DLC1: variants seen among roughly 807,000 people sequenced by gnomAD.
DLC1 encodes the protein rho GTPase-activating protein 7.
DLC1 carries 54 observed loss-of-function variants against 140.3 expected under a neutral mutation model. That is an observed-to-expected ratio of 0.38 (90% CI 0.31 to 0.48). The LOEUF (loss-of-function observed/expected upper bound fraction) is 0.48, where lower values mean the gene tolerates loss of function less well. Among genes scored for constraint, DLC1 ranks in the 20% least tolerant of loss-of-function variants. The pLI is 0.96. For missense variants in DLC1, 2,536 were observed against 1,907.0 expected, an observed-to-expected ratio of 1.33 and a Z score of -6.14; for synonymous variants, 986 against 728.1, an observed-to-expected ratio of 1.35 and a Z score of -5.70.
intron 5 of DLC1, among the ~76,000 whole-genome samples, chr8:13,137,314 A>AT (rs1157545588): frequency 2.0e-5 from 3 of 152,120 alleles, no homozygotes; most frequent in Admixed American, 6.5e-5. Context: ...GTTAGAAGGG[A>AT]TTTTTTAGCT....
chr8:13,219,282 A>T (rs1455876940), intron 5 of DLC1, among the ~76,000 whole-genome samples: 2 of 139,620 alleles, frequency 1.4e-5, no homozygotes, highest in East Asian at 4.1e-4. Context: ...TATAATATGA[A>T]TATAATTATA....
chr8:13,187,688 A>G (rs1335183246), intron 5 of DLC1, among the ~76,000 whole-genome samples: 1 of 152,224 alleles, frequency 6.6e-6, no homozygotes, highest in African/African-American at 2.4e-5. Context: ...ATCTGGACTC[A>G]GGAGAAAAGG....
chr8:13,389,096 C>CTCTCCT (rs542817370), intron 4 of DLC1, among the ~76,000 whole-genome samples: 4 of 152,144 alleles, frequency 2.6e-5, no homozygotes, highest in African/African-American at 9.6e-5. Flanking sequence ...GAATGCTAGA[C>CTCTCCT]TCTCCTTGTT....
upstream of DLC1, among the ~76,000 whole-genome samples, chr8:13,519,538 A>G (rs1802702660): frequency 6.6e-6 from 1 of 152,196 alleles, no homozygotes; most frequent in Non-Finnish European, 1.5e-5. Context: ...TAGTTTTTTG[A>G]TCAATTTTGT....
intron 16 of DLC1, among the ~76,000 whole-genome samples, chr8:13,087,269 G>C (rs1177917673): frequency 5.9e-5 from 9 of 152,286 alleles, no homozygotes; most frequent in African/African-American, 2.2e-4. Flanking sequence ...AGGTGTGATG[G>C]CACATGCCTG....
chr8:13,094,711 T>A (rs775194621), intron 12 of DLC1, 48 bp downstream of exon 12: 17 of 1,607,152 alleles, frequency 1.1e-5, no homozygotes, highest in Non-Finnish European at 1.3e-5. Context: ...CTTCAGTTGG[T>A]CCCATTTTTC....
At chr8:13,566,882 C>A in intron 1 of DLC1, 3 of 1,371,002 alleles carry the variant, frequency 2.2e-6, no homozygotes, top group Non-Finnish European at 2.9e-6. Context: ...ACGACCTCCG[C>A]AGAGCTGATG....
intron 5 of DLC1, among the ~76,000 whole-genome samples, chr8:13,197,180 C>G (rs1056916276): frequency 8.5e-5 from 13 of 152,120 alleles, no homozygotes; most frequent in African/African-American, 1.2e-4. Flanking sequence ...ATTGAATGAT[C>G]TTCAAAATTT....
At chr8:13,208,844 GT>G (rs1215525151) in intron 5 of DLC1, among the ~76,000 whole-genome samples, 2 of 151,974 alleles carry the variant, frequency 1.3e-5, no homozygotes, top group Non-Finnish European at 2.9e-5. Context: ...AGCTGATGAT[GT>G]GGGAAAAATA....
At chr8:13,261,770 A>G (rs1419655660) in intron 5 of DLC1, among the ~76,000 whole-genome samples, 2 of 152,232 alleles carry the variant, frequency 1.3e-5, no homozygotes, top group African/African-American at 4.8e-5. Flanking sequence ...GAGATGAAAA[A>G]GACAAGTTTT....
intron 5 of DLC1, among the ~76,000 whole-genome samples, chr8:13,143,901 A>G (rs1490061986): frequency 6.7e-6 from 1 of 150,246 alleles, no homozygotes; most frequent in African/African-American, 2.5e-5. Flanking sequence ...GAGCTGTTTG[A>G]GTTTTCCCCG....
intron 4 of DLC1, among the ~76,000 whole-genome samples, chr8:13,354,150 A>G (rs1250708247): frequency 2.0e-5 from 3 of 151,422 alleles, no homozygotes; most frequent in Non-Finnish European, 4.4e-5. Flanking sequence ...ATTGATCAAT[A>G]TTTGTTCATT....
intron 5 of DLC1, among the ~76,000 whole-genome samples, chr8:13,234,304 C>G (rs1829185347): frequency 6.6e-6 from 1 of 152,100 alleles, no homozygotes; most frequent in African/African-American, 2.4e-5. Flanking sequence ...AAAAACAAAA[C>G]TGATAGCAGC....
chr8:13,153,225 G>A (rs1367981932), intron 5 of DLC1, among the ~76,000 whole-genome samples: 1 of 152,124 alleles, frequency 6.6e-6, no homozygotes, highest in South Asian at 2.1e-4. Flanking sequence ...TGGTGGGTTC[G>A]TGGTCTCGCA....
intron 5 of DLC1, among the ~76,000 whole-genome samples, chr8:13,201,732 G>A (rs1051516840): frequency 6.6e-6 from 1 of 151,744 alleles, no homozygotes; most frequent in Non-Finnish European, 1.5e-5. Context: ...CCTCATCTTT[G>A]ATAGTTTCTC....
intron 1 of DLC1, among the ~76,000 whole-genome samples, chr8:13,526,370 A>G (rs1488254294): frequency 6.6e-6 from 1 of 152,160 alleles, no homozygotes; most frequent in African/African-American, 2.4e-5. Flanking sequence ...GATTTTGATC[A>G]ATTTATTATT....
chr8:13,420,608 T>C (rs1467315285), intron 2 of DLC1, among the ~76,000 whole-genome samples: 2 of 152,086 alleles, frequency 1.3e-5, no homozygotes, highest in African/African-American at 2.4e-5. Flanking sequence ...CCCCTCCTTG[T>C]GTTCCCCTCA....
intron 5 of DLC1, among the ~76,000 whole-genome samples, chr8:13,117,482 A>G (rs1047607097): frequency 4.1e-5 from 6 of 147,860 alleles, no homozygotes; most frequent in Middle Eastern, 3.5e-3. Flanking sequence ...TGTAACCGCT[A>G]AAAAAAAAAG....
At chr8:13,373,068 T>G (rs1835800528) in intron 4 of DLC1, among the ~76,000 whole-genome samples, 1 of 152,066 alleles carries the variant, frequency 6.6e-6, no homozygotes, top group Non-Finnish European at 1.5e-5. Context: ...CAGACTAGAG[T>G]GCCGTGGTGC....
Sources: gnomAD v4.1 joint callset for allele counts (sites outside exome capture counted in the v4.1 genomes callset) on GRCh38, gnomAD v4.1.1 for gene constraint, MANE v1.5 for transcripts, NCBI Gene and HGNC (gene_info 2026-07-23, HGNC 2026-07-21) for gene names.